Variants in DEFB4A observed in about 807,000 individuals in gnomAD.
DEFB4A encodes defensin beta 4A.
intron 1 of DEFB4A, among the ~76,000 whole-genome samples, chr8:7,896,073 A>G (rs562935927): frequency 1.9e-5 from 2 of 102,970 alleles, no homozygotes; most frequent in African/African-American, 6.9e-5. Flanking sequence ...AATGATTTGA[A>G]AAAGCAAAAG....
chr8:7,895,748 C>A (rs1216640819), intron 1 of DEFB4A, among the ~76,000 whole-genome samples: 1 of 72,566 alleles, frequency 1.4e-5, no homozygotes, highest in African/African-American at 5.2e-5. Flanking sequence ...AAACCTAGAA[C>A]AGTATAATGA....
In DEFB4A at chr8:7,895,151, T is replaced by C. The variant is rs144580024; in HGVS notation, c.58+381T>C. Among the ~76,000 whole-genome samples the C allele has an allele frequency of 7.3e-3, 730 of 99,708 alleles. 50 individuals are homozygous for C. The highest frequency in any genetic ancestry group is 0.027 in the Admixed American group (256 of 9,656). 65.4% of individuals were successfully genotyped at this position (99,708 alleles called of 152,430 possible). A position where few individuals can be genotyped will look rare whatever the true frequency, so the allele number is the denominator to read the frequency against. On this transcript the variant is annotated intron_variant, in intron 1 of 1. Transcript: ENST00000302247. ...AAGCCAATATGAAGGAGCCCAGTAG[T>C]TTGTAAATATCATCTCTTCACTGCT... is the stretch of plus-strand genomic sequence containing the variant.
chr8:7,895,976 A>G lies in DEFB4A; in HGVS notation c.59-498A>G, dbSNP rs1433148104. 2.9e-5 allele frequency among the ~76,000 whole-genome samples: 3 copies of G among 103,354 alleles called. 1 individual carries two copies. Among genetic ancestry groups the G allele is most frequent in the Non-Finnish European group, 6.4e-5 (3 of 46,900 alleles). The allele number at this position is 103,354 out of a possible 152,430, so 67.8% of individuals were successfully genotyped here. The stretch of plus-strand genomic sequence containing the variant: ...ATGGTTAATTGTGGTTTTCAACTGT[A>G]AGTTACTTGGTGTTAATTTCCTATT... On this transcript the variant is annotated intron_variant, in intron 1 of 1. Transcript: ENST00000302247.
chr8:7,895,047 C>G lies in DEFB4A; in HGVS notation c.58+277C>G, dbSNP rs952952719. The stretch of plus-strand genomic sequence containing the variant: ...TTTTAGACTGAGTAGACTGAATGCC[C>G]TATTTAATTGAACCAAGCATTGCTT... On this transcript the variant is annotated intron_variant, in intron 1 of 1. Coordinates refer to ENST00000302247, the MANE Select transcript of DEFB4A (RefSeq NM_004942.4). 2.0e-5 allele frequency among the ~76,000 whole-genome samples: 2 copies of G among 102,002 alleles called. 1 individual carries two copies. Among genetic ancestry groups the G allele is most frequent in the Non-Finnish European group, 4.2e-5 (2 of 47,414 alleles). The allele number at this position is 102,002 out of a possible 152,430, so 66.9% of individuals were successfully genotyped here. A position where few individuals can be genotyped will look rare whatever the true frequency, so the allele number is the denominator to read the frequency against.
chr8:7,895,315 TGCA>T (rs1818990459), intron 1 of DEFB4A, among the ~76,000 whole-genome samples: 1 of 100,126 alleles, frequency 1.0e-5, no homozygotes, highest in African/African-American at 3.9e-5. Context: ...GAGTAGATAC[TGCA>T]ACCTAGAGAA....
At chr8:7,894,855 TATCTCTCCCTC>T (rs1818980258) in intron 1 of DEFB4A, 85 bp downstream of exon 1, 1 of 1,460,426 alleles carries the variant, frequency 6.8e-7, no homozygotes, top group African/African-American at 1.4e-5. Context: ...CCCCTCCACC[TATCTCTCCCTC>T]ATCCCTCTCT....
At chr8:7,895,825 A>AGGAGGGAGGGAG (rs1818997758) in intron 1 of DEFB4A, among the ~76,000 whole-genome samples, 1 of 21,340 alleles carries the variant, frequency 4.7e-5, no homozygotes, top group Non-Finnish European at 8.9e-5. Context: ...GAGGGAGGGA[A>AGGAGGGAGGGAG]GGAGGGAAGG....
At chr8:7,896,141 T>G (rs1192303949) in intron 1 of DEFB4A, among the ~76,000 whole-genome samples, 2 of 102,442 alleles carry the variant, frequency 2.0e-5, no homozygotes, top group African/African-American at 6.9e-5. Context: ...TATCTTCTTG[T>G]GGTGGAGCTG....
rs1382059867 is a variant in DEFB4A, at chr8:7,896,147, A to G, written c.59-327A>G. Among the ~76,000 whole-genome samples the G allele has an allele frequency of 6.9e-5, 7 of 101,808 alleles. 3 individuals are homozygous for G. Among genetic ancestry groups the G allele is most frequent in the Non-Finnish European group, 1.5e-4 (7 of 46,264 alleles). The allele number at this position is 101,808 out of a possible 152,430, so 66.8% of individuals were successfully genotyped here. ...CTTTGATATTATCTTCTTGTGGTGG[A>G]GCTGAATTCACAAGAGATCGTTGCT... is the stretch of plus-strand genomic sequence containing the variant. On this transcript the variant is annotated intron_variant, in intron 1 of 1. Transcript: ENST00000302247.
chr8:7,895,280 C>A (rs1376870702), intron 1 of DEFB4A, among the ~76,000 whole-genome samples: 1 of 101,214 alleles, frequency 9.9e-6, no homozygotes, highest in Non-Finnish European at 2.1e-5. Context: ...TATAGAATGT[C>A]ATTTTCTAAA....
At chr8:7,896,138 T>C (rs927207956) in intron 1 of DEFB4A, among the ~76,000 whole-genome samples, 5 of 102,408 alleles carry the variant, frequency 4.9e-5, no homozygotes, top group African/African-American at 1.0e-4. Context: ...TATTATCTTC[T>C]TGTGGTGGAG....
chr8:7,896,033 C>T lies in DEFB4A; in HGVS notation c.59-441C>T, dbSNP rs1819002023. On this transcript the variant is annotated intron_variant, in intron 1 of 1. Transcript: ENST00000302247. ...TTTCAGTAAGTTGCATCTTTTTTAT[C>T]CCATCTCAGATCAAATACTTAACAG... Among the ~76,000 whole-genome samples, 2 of 103,538 alleles carry T rather than the reference C, an allele frequency of 1.9e-5. 1 individual carries two copies. Among genetic ancestry groups the T allele is most frequent in the African/African-American group, 6.9e-5 (2 of 28,842 alleles). 67.9% of individuals were successfully genotyped at this position (103,538 alleles called of 152,430 possible). A position where few individuals can be genotyped will look rare whatever the true frequency, so the allele number is the denominator to read the frequency against.
At chr8:7,895,802 AGGGG>A (rs1264832782) in intron 1 of DEFB4A, among the ~76,000 whole-genome samples, 7 of 196 alleles carry the variant, frequency 0.036, no homozygotes, top group Non-Finnish European at 0.12. Flanking sequence ...GGCTGGTGGG[AGGGG>A]GAGGGAGGGA....
chr8:7,896,147 A>C (rs1382059867), intron 1 of DEFB4A, among the ~76,000 whole-genome samples: 1 of 101,808 alleles, frequency 9.8e-6, no homozygotes, highest in Non-Finnish European at 2.2e-5. Context: ...CTTGTGGTGG[A>C]GCTGAATTCA....
Position 7,895,972 on chromosome 8 carries a change from C to T in DEFB4A, c.59-502C>T, listed in dbSNP as rs1426428853. Among the ~76,000 whole-genome samples the T allele has an allele frequency of 2.3e-4, 24 of 103,058 alleles. 1 individual carries two copies. The highest frequency in any genetic ancestry group is 8.0e-4 in the African/African-American group (23 of 28,664). 67.6% of individuals were successfully genotyped at this position (103,058 alleles called of 152,430 possible). On this transcript the variant is annotated intron_variant, in intron 1 of 1. Transcript: ENST00000302247. ...TTCTATGGTTAATTGTGGTTTTCAACTGTAAGTTACTTGGTGTTAATTTCC... is the reference window on the plus strand; with the variant it reads ...TTCTATGGTTAATTGTGGTTTTCAATTGTAAGTTACTTGGTGTTAATTTCC...
intron 1 of DEFB4A, among the ~76,000 whole-genome samples, chr8:7,895,802 A>T (rs1479020310): frequency 0.036 from 7 of 194 alleles, 1 homozygote; most frequent in African/African-American, 0.097. Context: ...GGCTGGTGGG[A>T]GGGGGAGGGA....
At chr8:7,895,900 T>C (rs1819000000) in intron 1 of DEFB4A, among the ~76,000 whole-genome samples, 1 of 75,366 alleles carries the variant, frequency 1.3e-5, no homozygotes, top group Admixed American at 1.3e-4. Context: ...AAGAATGAGG[T>C]TGAAACCAGG....
chr8:7,895,723 A>G (rs1193430004), intron 1 of DEFB4A, among the ~76,000 whole-genome samples: 1 of 75,364 alleles, frequency 1.3e-5, no homozygotes, highest in Non-Finnish European at 2.7e-5. Context: ...GGCACCAGAG[A>G]CCTCATATTT....
intron 1 of DEFB4A, among the ~76,000 whole-genome samples, chr8:7,896,202 C>T (rs1349948288): frequency 2.0e-5 from 2 of 99,952 alleles, no homozygotes; most frequent in African/African-American, 7.2e-5. Flanking sequence ...CCTGGAGGCC[C>T]CAGTCACTCA....
Sources: allele counts gnomAD v4.1 joint callset (sites outside exome capture counted in the v4.1 genomes callset), GRCh38; gene constraint gnomAD v4.1.1; transcripts MANE v1.5; gene names NCBI Gene and HGNC (gene_info 2026-07-23, HGNC 2026-07-21).